SELENOI: variants seen among roughly 807,000 people sequenced by gnomAD.
SELENOI encodes selenoprotein I.
A neutral mutation model predicts 50.7 loss-of-function variants in SELENOI; 24 were observed. That is an observed-to-expected ratio of 0.47 (90% confidence interval 0.34 to 0.67). The LOEUF (loss-of-function observed/expected upper bound fraction) is 0.67, where lower values mean the gene tolerates loss of function less well. SELENOI is among the 30% of genes least tolerant of loss of function. The probability of loss-of-function intolerance (pLI) is 0.01; values close to 1 mark genes in which losing one functional copy is unlikely to be tolerated. For synonymous variants in SELENOI, 155 were observed against 170.2 expected, an observed-to-expected ratio of 0.91 and a Z score of 0.70; for missense variants, 352 against 461.4, an observed-to-expected ratio of 0.76 and a Z score of 2.17.
rs869073468 is a variant in SELENOI at position 26,348,996 on chromosome 2, CTTTTTTTTTTTTTTTTT to C, written c.57+2726_57+2742del. Among the ~76,000 whole-genome samples, 80 of 57,718 alleles carry C rather than the reference CTTTTTTTTTTTTTTTTT, an allele frequency of 1.4e-3. 1 individual carries two copies. Among genetic ancestry groups the C allele is most frequent in the African/African-American group, 3.4e-3 (71 of 20,688 alleles). 37.9% of individuals were successfully genotyped at this position (57,718 alleles called of 152,430 possible). ...CTACCCATCCTTTGTTTTGGACAGG[CTTTTTTTTTTTTTTTTT>C]TTTTTTTTTTTTTTTTTTGGAGATG... On this transcript the variant is annotated intron_variant, in intron 1 of 9. Transcript: ENST00000260585.
chr2:26,380,463 C>G (rs1351489575), intron 6 of SELENOI, among the ~76,000 whole-genome samples: 1 of 152,322 alleles, frequency 6.6e-6, no homozygotes, highest in East Asian at 1.9e-4. Flanking sequence ...GGAGCCTCCT[C>G]AGTCCTCTTA....
At chr2:26,356,027 C>T (rs931987342) in intron 1 of SELENOI, among the ~76,000 whole-genome samples, 2 of 152,226 alleles carry the variant, frequency 1.3e-5, no homozygotes, top group African/African-American at 4.8e-5. Context: ...TTGGCGTGAG[C>T]CACCTTGCCT....
chr2:26,363,534 T>G (rs1677225342), intron 1 of SELENOI, among the ~76,000 whole-genome samples: 1 of 152,158 alleles, frequency 6.6e-6, no homozygotes, highest in South Asian at 2.1e-4. Flanking sequence ...AAAAGCTGAT[T>G]GAGAGTGAAG....
intron 1 of SELENOI, among the ~76,000 whole-genome samples, chr2:26,359,471 C>T (rs767031266): frequency 2.6e-5 from 4 of 151,932 alleles, no homozygotes; most frequent in Admixed American, 6.6e-5. Context: ...GGTGAAACCG[C>T]GACTCTACTA....
chr2:26,387,532 A>G (rs1677869062), intron 9 of SELENOI, among the ~76,000 whole-genome samples: 2 of 147,652 alleles, frequency 1.4e-5, no homozygotes, highest in African/African-American at 4.9e-5. Flanking sequence ...CTCTACAAAA[A>G]ATACAAAAAA....
intron 1 of SELENOI, among the ~76,000 whole-genome samples, chr2:26,361,568 A>G (rs1677179616): frequency 6.6e-6 from 1 of 152,206 alleles, no homozygotes; most frequent in Non-Finnish European, 1.5e-5. Context: ...CTGTACTAAT[A>G]TAAGTGGGCT....
intron 6 of SELENOI, among the ~76,000 whole-genome samples, chr2:26,382,814 C>A (rs2147961552): frequency 6.6e-6 from 1 of 151,556 alleles, no homozygotes; most frequent in Admixed American, 6.6e-5. Flanking sequence ...TATAGCCAGA[C>A]CCTGTTTCCA....
intron 6 of SELENOI, among the ~76,000 whole-genome samples, chr2:26,380,632 A>T (rs1677671039): frequency 6.6e-6 from 1 of 152,188 alleles, no homozygotes; most frequent in South Asian, 2.1e-4. Context: ...CAGGGTGTTG[A>T]GGAAGAGGTC....
At chr2:26,384,553 T>C (rs1409047063) in intron 7 of SELENOI, among the ~76,000 whole-genome samples, 2 of 152,212 alleles carry the variant, frequency 1.3e-5, no homozygotes, top group African/African-American at 4.8e-5. Context: ...TCTCTATCAC[T>C]TTGTGTCAAA....
intron 4 of SELENOI, among the ~76,000 whole-genome samples, chr2:26,369,629 T>TA (rs1218663368): frequency 6.6e-6 from 1 of 152,206 alleles, no homozygotes; most frequent in African/African-American, 2.4e-5. Context: ...CTGTCATTCA[T>TA]ACCGTCAGGT....
Position 26,389,029 on chromosome 2 carries a change from C to A in SELENOI, c.1120C>A (p.Gln374Lys). The change falls in exon 10 of 10, where the codon CAG becomes AAG. Residue 374 changes from glutamine (Q) to lysine (K), a missense_variant. Coordinates refer to ENST00000260585, the MANE Select transcript of SELENOI (RefSeq NM_033505.4). ...GGTAAAGCAGCTGAGCAGCCATTTTCAGATTTACCCCTTCTCATTGAGGAA... is the reference window on the plus strand; with the variant it reads ...GGTAAAGCAGCTGAGCAGCCATTTTAAGATTTACCCCTTCTCATTGAGGAA... Reference protein sequence around the residue: ...RVVKQLSSHFQIYPFSLRKPN... With the variant: ...RVVKQLSSHFKIYPFSLRKPN... 6.3e-7 allele frequency: 1 copy of A among 1,589,280 alleles called. No individual in the cohort carries two copies. Among genetic ancestry groups the A allele is most frequent in the Admixed American group, 1.8e-5 (1 of 56,622 alleles).
intron 4 of SELENOI, among the ~76,000 whole-genome samples, chr2:26,370,842 A>C (rs1191571797): frequency 9.8e-6 from 1 of 101,794 alleles, no homozygotes; most frequent in African/African-American, 3.9e-5. Flanking sequence ...TGACACCCCC[A>C]CCTCCCTCCC....
At chr2:26,351,296 G>C (rs1676954648) in intron 1 of SELENOI, among the ~76,000 whole-genome samples, 1 of 152,142 alleles carries the variant, frequency 6.6e-6, no homozygotes, top group Non-Finnish European at 1.5e-5. Context: ...GACCTCAGGT[G>C]ATCCGCCTGC....
Position 26,385,084 on chromosome 2 carries a change from A to G in SELENOI, c.857A>G (p.Glu286Gly). The G allele has an allele frequency of 6.2e-7, 1 of 1,612,668 alleles. No homozygotes were observed. Among genetic ancestry groups the G allele is most frequent in the South Asian group, 1.1e-5 (1 of 90,900 alleles). Residue 286 changes from glutamate to glycine, a missense_variant, in exon 8 of 10, where the codon GAG becomes GGG. Transcript: ENST00000260585. Reference protein sequence around the residue: ...WILWSPSDILELHPRVFYFMV... With the variant: ...WILWSPSDILGLHPRVFYFMV... ...CTTTGGTCACCTTCAGATATTTTAG[A>G]GCTACATCCTAGAGTATTCTACTTT... is the stretch of plus-strand genomic sequence containing the variant.
At chr2:26,355,727 G>GTCTC (rs10540226) in intron 1 of SELENOI, among the ~76,000 whole-genome samples, 19 of 147,508 alleles carry the variant, frequency 1.3e-4, no homozygotes, top group African/African-American at 4.5e-4. Flanking sequence ...AGTTCTTCAA[G>GTCTC]TCTCTCTCTC....
intron 1 of SELENOI, among the ~76,000 whole-genome samples, chr2:26,353,214 T>G (rs188221113): frequency 5.5e-4 from 84 of 152,258 alleles, no homozygotes; most frequent in African/African-American, 2.0e-3. Flanking sequence ...ATATATATAA[T>G]TTTTTAAAAA....
At chr2:26,384,847 T>C in intron 7 of SELENOI, 112 bp from the exon 8 acceptor site, 2 of 692,646 alleles carry the variant, frequency 2.9e-6, no homozygotes, top group South Asian at 2.9e-5. Context: ...TGCCACAAGA[T>C]TATTGTGAGT....
At chr2:26,349,308 CTTT>C (rs11434987) in intron 1 of SELENOI, among the ~76,000 whole-genome samples, 4 of 115,340 alleles carry the variant, frequency 3.5e-5, no homozygotes, top group Admixed American at 1.9e-4. Flanking sequence ...CCACACTTGT[CTTT>C]TTTTTTTTTT....
At position 26,381,743 on chromosome 2, in the gene SELENOI, G is replaced by A. The variant is rs56963790; in HGVS notation, c.683-1556G>A. ...TTCCCTCTAAGTTCGTCTAATTTGGGGAACTTTGTTCTACTTGGGCTTGGA... is the reference window on the plus strand; with the variant it reads ...TTCCCTCTAAGTTCGTCTAATTTGGAGAACTTTGTTCTACTTGGGCTTGGA... On this transcript the variant is annotated intron_variant, in intron 6 of 9. Coordinates refer to ENST00000260585, the MANE Select transcript of SELENOI (RefSeq NM_033505.4). Among the ~76,000 whole-genome samples, 3 of 152,244 alleles carry A rather than the reference G, an allele frequency of 2.0e-5. No individual in the cohort carries two copies. The East Asian group carries it at 5.8e-4, about 29-fold the overall frequency.
Sources: gnomAD v4.1 joint callset for allele counts (sites outside exome capture counted in the v4.1 genomes callset) on GRCh38, gnomAD v4.1.1 for gene constraint, MANE v1.5 for transcripts, NCBI Gene and HGNC (gene_info 2026-07-23, HGNC 2026-07-21) for gene names.